Variants in ARHGEF4 observed in about 807,000 individuals in gnomAD.
ARHGEF4 encodes the protein APC-stimulated guanine nucleotide exchange factor 1.
Under a neutral mutation model 162.0 loss-of-function variants are expected in ARHGEF4, and 119 were observed. The observed-to-expected ratio is 0.73, with a 90% CI of 0.63 to 0.86. The LOEUF (loss-of-function observed/expected upper bound fraction) is 0.86. ARHGEF4 is among the 40% of genes least tolerant of loss of function. ARHGEF4 has a pLI of 0.00. For synonymous variants in ARHGEF4, 1,014 were observed against 979.9 expected (o/e 1.03, Z -0.65); for missense variants, 2,488 against 2,456.0 (o/e 1.01, Z -0.28).
chr2:130,972,601 G>A (rs1025868807), intron 4 of ARHGEF4, among the ~76,000 whole-genome samples: 7 of 152,168 alleles, frequency 4.6e-5, no homozygotes, highest in Admixed American at 2.6e-4. Context: ...TTCTTGGCAG[G>A]GCCCTTTCCA....
intron 1 of ARHGEF4, among the ~76,000 whole-genome samples, chr2:130,884,424 G>A (rs1476407745): frequency 3.9e-5 from 6 of 152,188 alleles, no homozygotes; most frequent in Admixed American, 3.9e-4. Flanking sequence ...TGTCGAAGCT[G>A]CTTAAATTCT....
chr2:130,927,830 T>G (rs1682387093), intron 2 of ARHGEF4, among the ~76,000 whole-genome samples: 1 of 152,226 alleles, frequency 6.6e-6, no homozygotes, highest in Non-Finnish European at 1.5e-5. Context: ...ATACATAATG[T>G]CTTAGGTTTT....
In ARHGEF4 at chr2:131,005,753, C is replaced by T. The variant is rs143885098; in HGVS notation, c.3986-22192C>T. On this transcript the variant is annotated intron_variant, in intron 4 of 13. Transcript: ENST00000409359. Reference sequence around the variant, plus strand: ...GTGTGGGCACTGGGGGGAGATGCGCCGTGGACCACAGGGACCCGTGGTGCT... The same window carrying T: ...GTGTGGGCACTGGGGGGAGATGCGCTGTGGACCACAGGGACCCGTGGTGCT... 1.6e-4 allele frequency among the ~76,000 whole-genome samples: 25 copies of T among 152,178 alleles called. No homozygotes were observed. The East Asian group carries it at 4.6e-3, about 28-fold the overall frequency.
At chr2:131,013,636 T>A (rs1459968386) in intron 4 of ARHGEF4, among the ~76,000 whole-genome samples, 1 of 152,232 alleles carries the variant, frequency 6.6e-6, no homozygotes, top group African/African-American at 2.4e-5. Flanking sequence ...AGTCTTGCTC[T>A]GTTGCCCAGA....
In ARHGEF4 at chr2:130,914,906, C is replaced by A; in HGVS notation, c.960C>A (p.Asn320Lys). The change falls in exon 2 of 14, where the codon AAC (asparagine) becomes AAA (lysine). Residue 320 changes from asparagine to lysine, a missense_variant. Around this residue, in one of 6 missense-constraint regions of ARHGEF4, gnomAD observed 1,642 missense variants for 1,481.5 expected, o/e 1.11. Transcript: ENST00000409359. Reference sequence around the variant, plus strand: ...CCCCAGAAACTACTGGTGACAAGAACAGGGCATCCCCCAGACTCAACTGTG... The same window carrying A: ...CCCCAGAAACTACTGGTGACAAGAAAAGGGCATCCCCCAGACTCAACTGTG... The part of the protein sequence containing the change: ...HSAPETTGDK[N>K]RASPRLNCGH... 1 of 1,515,994 alleles carries A rather than the reference C, an allele frequency of 6.6e-7. No homozygotes were observed. Among genetic ancestry groups the A allele is most frequent in the South Asian group, 1.3e-5 (1 of 77,168 alleles). 93.9% of individuals were successfully genotyped at this position (1,515,994 alleles called of 1,614,324 possible).
chr2:130,844,297 C>T (rs1228275801), intron 1 of ARHGEF4, among the ~76,000 whole-genome samples: 1 of 152,192 alleles, frequency 6.6e-6, no homozygotes, highest in African/African-American at 2.4e-5. Flanking sequence ...ATCCCTGGCT[C>T]CGGGACCCTC....
intron 1 of ARHGEF4, among the ~76,000 whole-genome samples, chr2:130,882,447 G>A (rs929358641): frequency 1.3e-5 from 2 of 152,178 alleles, no homozygotes; most frequent in Non-Finnish European, 2.9e-5. Flanking sequence ...GTGTCCCCAC[G>A]TGGTGGGAGG....
rs1439978548 is a variant in ARHGEF4 at position 130,988,864 on chromosome 2, GTGTGTGTGTATATATATA to G, written c.3986-39079_3986-39062del. 2.0e-4 allele frequency among the ~76,000 whole-genome samples: 5 copies of G among 24,738 alleles called. No individual in the cohort carries two copies. The Admixed American group carries it at 2.4e-3, about 12-fold the overall frequency. 16.2% of individuals were successfully genotyped at this position (24,738 alleles called of 152,430 possible). ...CACATATATTTGTGTGTGTGTGTGT[GTGTGTGTGTATATATATA>G]TATATATATATATATATATAGAGAG... is the stretch of plus-strand genomic sequence containing the variant. On this transcript the variant is annotated intron_variant, in intron 4 of 13. Transcript: ENST00000409359.
At chr2:130,969,930 G>A (rs62178906) in intron 4 of ARHGEF4, among the ~76,000 whole-genome samples, 4 of 151,962 alleles carry the variant, frequency 2.6e-5, no homozygotes, top group South Asian at 2.1e-4. Context: ...CATGTGTTGC[G>A]TTTGAGATTC....
intron 3 of ARHGEF4, 143 bp downstream of exon 3, chr2:130,931,400 C>A: frequency 1.1e-6 from 1 of 882,458 alleles, no homozygotes; most frequent in Non-Finnish European, 1.7e-6. Context: ...CAGCATGCTG[C>A]CTGGGCCACA....
intron 3 of ARHGEF4, among the ~76,000 whole-genome samples, chr2:130,940,869 A>G (rs1683259060): frequency 6.7e-6 from 1 of 149,978 alleles, no homozygotes. Flanking sequence ...AAGAAAATTC[A>G]TGGAGTATCA....
In ARHGEF4 at chr2:130,855,428, GAAGA is replaced by G. The variant is rs568154136; in HGVS notation, c.39+18437_39+18440del. On this transcript the variant is annotated intron_variant, in intron 1 of 13. Transcript: ENST00000409359. ...AGATACAGATTTAAGTCAGCAGAGG[GAAGA>G]GGTACAGAAGGTGGAGTCCAGGAGA... 5.9e-4 allele frequency among the ~76,000 whole-genome samples: 90 copies of G among 152,332 alleles called. 1 individual carries two copies. In the South Asian group the frequency reaches 0.018, roughly 31 times the overall value.
chr2:130,847,041 T>C (rs943173910), intron 1 of ARHGEF4, among the ~76,000 whole-genome samples: 1 of 152,126 alleles, frequency 6.6e-6, no homozygotes, highest in Non-Finnish European at 1.5e-5. Flanking sequence ...AGGGAAAGCC[T>C]GGGTGTAATT....
chr2:131,045,220 G>C (rs1379473547), intron 12 of ARHGEF4, 149 bp from the exon 13 acceptor site: 1 of 743,054 alleles, frequency 1.3e-6, no homozygotes, highest in Admixed American at 2.8e-5. Context: ...CAGGCTGACT[G>C]TGCAGAATGG....
At position 130,915,901 on chromosome 2, in the gene ARHGEF4, C is replaced by G; in HGVS notation, c.1955C>G (p.Pro652Arg). The change falls in exon 2 of 14, where the codon CCA becomes CGA. Residue 652 changes from proline to arginine, a missense_variant. Coordinates refer to ENST00000409359, the MANE Select transcript of ARHGEF4 (RefSeq NM_001367493.1). ...QASRSNAGPV[P>R]ETLPRDFPKE... is the part of the protein sequence containing the mutation. The stretch of plus-strand genomic sequence containing the variant: ...AGCAGGAGCAATGCGGGGCCTGTTC[C>G]AGAAACACTGCCCCGTGACTTTCCT... 1 of 1,550,396 alleles carries G rather than the reference C, an allele frequency of 6.4e-7. No homozygotes were observed. Among genetic ancestry groups the G allele is most frequent in the Non-Finnish European group, 8.7e-7 (1 of 1,146,924 alleles).
rs1680266088 is a variant in ARHGEF4 at position 130,837,342 on chromosome 2, G to A, written c.39+350G>A. 1.8e-5 allele frequency: 6 copies of A among 341,188 alleles called. No homozygotes were observed. The South Asian group carries it at 2.0e-4, about 11-fold the overall frequency. The allele number at this position is 341,188 out of a possible 1,614,324, so 21.1% of individuals were successfully genotyped here. ...GGCACTCGGAGCCGCTGCCTGGACC[G>A]GCCTGGGCGCGCAGGGCACTCGGAG... On this transcript the variant is annotated intron_variant, in intron 1 of 13. Coordinates refer to ENST00000409359, the MANE Select transcript of ARHGEF4 (RefSeq NM_001367493.1).
intron 4 of ARHGEF4, among the ~76,000 whole-genome samples, chr2:130,996,908 TTCTG>T (rs1256087095): frequency 1.3e-5 from 2 of 152,238 alleles, no homozygotes; most frequent in African/African-American, 4.8e-5. Flanking sequence ...CTGTTTGGGT[TTCTG>T]TCTTTTTCTT....
intron 4 of ARHGEF4, among the ~76,000 whole-genome samples, chr2:130,978,190 C>T (rs1368726670): frequency 6.6e-6 from 1 of 152,192 alleles, no homozygotes; most frequent in Non-Finnish European, 1.5e-5. Flanking sequence ...GTTTCAGTCC[C>T]CCCTTTCTAT....
intron 5 of ARHGEF4, among the ~76,000 whole-genome samples, chr2:131,030,880 A>C (rs1475611977): frequency 6.6e-6 from 1 of 152,212 alleles, no homozygotes; most frequent in East Asian, 1.9e-4. Flanking sequence ...ACTCATCAGA[A>C]ACTGAAAAGA....
Sources: allele counts gnomAD v4.1 joint callset (sites outside exome capture counted in the v4.1 genomes callset), GRCh38; gene constraint gnomAD v4.1.1; regional missense constraint gnomAD v4.1.1; transcripts MANE v1.5; gene names NCBI Gene and HGNC (gene_info 2026-07-23, HGNC 2026-07-21).